The following DYSF variants were observed in gnomAD, a reference collection of about 807,000 sequenced individuals.
The protein encoded by DYSF is dystrophy-associated fer-1-like 1.
DYSF carries 212 observed loss-of-function variants against 274.9 expected under a neutral mutation model. That is an observed-to-expected ratio of 0.77 (90% CI 0.69 to 0.86). DYSF has a LOEUF of 0.86. DYSF is among the 40% of genes least tolerant of loss of function. The probability of loss-of-function intolerance (pLI) is 0.00; values close to 1 mark genes in which losing one functional copy is unlikely to be tolerated. For missense variants in DYSF, 2,666 were observed against 2,783.2 expected (o/e 0.96, Z 0.95); for synonymous variants, 1,091 against 1,078.7 (o/e 1.01, Z -0.22).
In DYSF at chr2:71,662,436, A is replaced by G. The variant is rs567855436; in HGVS notation, c.5003+1785A>G. On this transcript the variant is annotated intron_variant, in intron 45 of 55. Transcript: ENST00000410020. ...GTTGTGTGTGTATATGTGTGTATGT[A>G]TGTGTGTGTATGTGTGTATATGTGC... Among the ~76,000 whole-genome samples the G allele has an allele frequency of 3.3e-5, 5 of 151,310 alleles. No individual in the cohort carries two copies. The South Asian group carries it at 6.3e-4, about 19-fold the overall frequency.
chr2:71,648,780 A>G (rs1558721720), intron 42 of DYSF, among the ~76,000 whole-genome samples: 1 of 152,206 alleles, frequency 6.6e-6, no homozygotes, highest in Non-Finnish European at 1.5e-5. Flanking sequence ...GTCATTTAAA[A>G]TAGGAACTAA....
intron 21 of DYSF, 122 bp downstream of exon 21, chr2:71,554,053 C>T: frequency 1.4e-6 from 2 of 1,474,600 alleles, no homozygotes; most frequent in Non-Finnish European, 1.9e-6. Context: ...TGCCTACTGA[C>T]CTTTGTGGTT....
chr2:71,516,326 G>C (rs1029170905), intron 9 of DYSF, 84 bp downstream of exon 9: 4 of 1,287,660 alleles, frequency 3.1e-6, no homozygotes, highest in Non-Finnish European at 4.5e-6. Flanking sequence ...GTTTGTGCAC[G>C]TGTGTGCATG....
chr2:71,646,275 C>A (rs910336895), intron 42 of DYSF, among the ~76,000 whole-genome samples: 9 of 152,198 alleles, frequency 5.9e-5, no homozygotes, highest in Non-Finnish European at 1.2e-4. Context: ...GTCAGACAAC[C>A]CAAGCAAGAA....
intron 42 of DYSF, among the ~76,000 whole-genome samples, chr2:71,649,092 G>T (rs2094611892): frequency 7.4e-6 from 1 of 134,248 alleles, no homozygotes; most frequent in African/African-American, 2.8e-5. Context: ...AGCTATGATT[G>T]CACCACTGCA....
At chr2:71,593,521 G>A (rs2093330337) in intron 32 of DYSF, among the ~76,000 whole-genome samples, 1 of 152,272 alleles carries the variant, frequency 6.6e-6, no homozygotes, top group Admixed American at 6.5e-5. Flanking sequence ...GAAATGAAAG[G>A]CTATGACTTG....
chr2:71,654,620 A>G (rs546514834), intron 42 of DYSF, among the ~76,000 whole-genome samples: 1 of 151,898 alleles, frequency 6.6e-6, no homozygotes, highest in East Asian at 1.9e-4. Context: ...CCATCTCTAC[A>G]GAAAATAAAA....
At chr2:71,459,947 T>C (rs1025869242) in intron 1 of DYSF, among the ~76,000 whole-genome samples, 1 of 152,206 alleles carries the variant, frequency 6.6e-6, no homozygotes, top group Non-Finnish European at 1.5e-5. Flanking sequence ...AAGCCCTTCC[T>C]TCCAGGCTAT....
At chr2:71,666,153 A>C in intron 47 of DYSF, among the ~76,000 whole-genome samples, 1 of 151,932 alleles carries the variant, frequency 6.6e-6, no homozygotes, top group East Asian at 1.9e-4. Flanking sequence ...TTCCCATAGA[A>C]TGAGCATCTG....
exon 1 of DYSF, chr2:71,453,826 G>A: frequency 1.4e-6 from 1 of 693,322 alleles, no homozygotes; most frequent in South Asian, 1.6e-5. Flanking sequence ...GCAGCCGGGG[G>A]TGGCCCGTTC....
At chr2:71,465,722 T>G (rs1006089879), upstream of DYSF, among the ~76,000 whole-genome samples, 1 of 152,158 alleles carries the variant, frequency 6.6e-6, no homozygotes, top group African/African-American at 2.4e-5. Flanking sequence ...TAGTGAGGAC[T>G]TGGGCGGTGG....
chr2:71,570,946 CCAAAGATCACACCCAGCATACA>C lies in DYSF; in HGVS notation c.3228+208_3228+229del, dbSNP rs2152815688. 8 of 617,570 alleles carry C rather than the reference CCAAAGATCACACCCAGCATACA, an allele frequency of 1.3e-5. No individual in the cohort carries two copies. In the South Asian group the frequency reaches 1.8e-4, roughly 14 times the overall value. The allele number at this position is 617,570 out of a possible 1,614,324, so 38.3% of individuals were successfully genotyped here. A position where few individuals can be genotyped will look rare whatever the true frequency, so the allele number is the denominator to read the frequency against. ...TACACACAGATCACACCCAGCATAC[CCAAAGATCACACCCAGCATACA>C]CACAGATCACACCCAGCACACAGAT... On this transcript the variant is annotated intron_variant, in intron 29 of 55. Coordinates refer to ENST00000410020, the MANE Select transcript of DYSF (RefSeq NM_001130987.2).
chr2:71,629,688 T>C (rs1455634399), intron 41 of DYSF, among the ~76,000 whole-genome samples: 7 of 152,240 alleles, frequency 4.6e-5, no homozygotes, highest in Non-Finnish European at 1.0e-4. Context: ...CTCTGGATTT[T>C]TCCTTTCTCA....
rs753605330 is a variant in DYSF, at chr2:71,567,934, C to A, written c.2566-17C>A. On this transcript the variant is annotated splice_polypyrimidine_tract_variant and intron_variant, in intron 24 of 55. Transcript: ENST00000410020. The stretch of plus-strand genomic sequence containing the variant: ...CCTGAAGGGGACTGTGGGTTTCTGT[C>A]CTTCTCTGGTACCCAGTATCCGATG... 1 of 1,613,742 alleles carries A rather than the reference C, an allele frequency of 6.2e-7. No homozygotes were observed. The highest frequency in any genetic ancestry group is 8.5e-7 in the Non-Finnish European group (1 of 1,179,826).
chr2:71,505,063 G>A (rs990392367), intron 4 of DYSF, among the ~76,000 whole-genome samples: 2 of 152,242 alleles, frequency 1.3e-5, no homozygotes, highest in African/African-American at 4.8e-5. Context: ...AGCCCCACTA[G>A]CTGAGCACAG....
At chr2:71,670,372 G>A (rs1330317174) in intron 51 of DYSF, among the ~76,000 whole-genome samples, 1 of 152,240 alleles carries the variant, frequency 6.6e-6, no homozygotes, top group Non-Finnish European at 1.5e-5. Context: ...AGACCCCATG[G>A]GGGAGCTTCC....
intron 54 of DYSF, among the ~76,000 whole-genome samples, 198 bp downstream of exon 54, chr2:71,681,308 A>T (rs1311162647): frequency 1.3e-5 from 2 of 152,234 alleles, no homozygotes; most frequent in Non-Finnish European, 2.9e-5. Flanking sequence ...GGCTCAGCGA[A>T]TTCAAGATGC....
intron 29 of DYSF, among the ~76,000 whole-genome samples, chr2:71,571,939 C>G (rs1294265043): frequency 6.8e-5 from 10 of 147,792 alleles, no homozygotes; most frequent in African/African-American, 2.5e-4. Context: ...AGATCACACA[C>G]AGATCACACC....
At chr2:71,480,714 T>G (rs914529647) in intron 1 of DYSF, among the ~76,000 whole-genome samples, 169 bp from the exon 2 acceptor site, 1 of 152,174 alleles carries the variant, frequency 6.6e-6, no homozygotes, top group Admixed American at 6.5e-5. Flanking sequence ...GTTGTGTGAT[T>G]GGCATTGGGG....
Sources: allele counts gnomAD v4.1 joint callset (sites outside exome capture counted in the v4.1 genomes callset), GRCh38; gene constraint gnomAD v4.1.1; transcripts MANE v1.5; gene names NCBI Gene and HGNC (gene_info 2026-07-23, HGNC 2026-07-21).